HSD17B11: variants seen among roughly 807,000 people sequenced by gnomAD.
HSD17B11 encodes estradiol 17-beta-dehydrogenase 11.
In HSD17B11, 22 loss-of-function variants were observed where a neutral mutation model predicts 27.8. The ratio of observed to expected loss-of-function variants is 0.79; its 90% CI spans 0.56 to 1.13. The LOEUF (loss-of-function observed/expected upper bound fraction) is 1.13, where lower values mean the gene tolerates loss of function less well. HSD17B11 is among the 50% of genes most tolerant of loss of function. HSD17B11 has a pLI of 0.00. For synonymous variants in HSD17B11, 117 were observed against 132.8 expected (o/e 0.88, Z 0.82); for missense variants, 314 against 351.1 (o/e 0.89, Z 0.84).
chr4:87,390,476 C>T (rs1169875970), intron 1 of HSD17B11, among the ~76,000 whole-genome samples: 1 of 152,212 alleles, frequency 6.6e-6, no homozygotes, highest in African/African-American at 2.4e-5. Context: ...CCACTTTTCT[C>T]ATTAACAGTA....
intron 4 of HSD17B11, among the ~76,000 whole-genome samples, chr4:87,361,611 C>CA (rs1462233842): frequency 2.4e-4 from 37 of 151,998 alleles, no homozygotes; most frequent in Non-Finnish European, 4.7e-4. Flanking sequence ...ACTAAAAATA[C>CA]AAAAAATTAG....
intron 5 of HSD17B11, among the ~76,000 whole-genome samples, chr4:87,356,662 GCAT>G (rs768279002): frequency 2.0e-5 from 3 of 152,150 alleles, no homozygotes; most frequent in Non-Finnish European, 4.4e-5. Flanking sequence ...AAATAAGTAT[GCAT>G]CATGTTTACA....
rs1560769652 is a variant in HSD17B11 at position 87,378,946 on chromosome 4, ATTTATATATATATATT to A, written c.318+3293_318+3308del. On this transcript the variant is annotated intron_variant, in intron 2 of 6. Transcript: ENST00000358290. ...TATATATAAATATATATATATATAT[ATTTATATATATATATT>A]TTTTTTTTTTTTTGAGATGGTGTCT... Among the ~76,000 whole-genome samples, 89 of 23,382 alleles carry A rather than the reference ATTTATATATATATATT, an allele frequency of 3.8e-3. 16 individuals are homozygous for A. The highest frequency in any genetic ancestry group is 0.014 in the African/African-American group (75 of 5,408). 15.3% of individuals were successfully genotyped at this position (23,382 alleles called of 152,430 possible).
intron 6 of HSD17B11, 141 bp downstream of exon 6, chr4:87,340,349 T>C (rs1735142168): frequency 2.0e-6 from 1 of 510,952 alleles, no homozygotes; most frequent in South Asian, 3.3e-5. Flanking sequence ...CTTGCCTCAA[T>C]GTTATTGAGC....
chr4:87,367,625 G>A (rs1735633811), intron 4 of HSD17B11, among the ~76,000 whole-genome samples: 1 of 152,330 alleles, frequency 6.6e-6, no homozygotes, highest in Non-Finnish European at 1.5e-5. Flanking sequence ...GGAAACTGGA[G>A]AGAGAATATT....
At chr4:87,378,871 T>TATATATATAAATATATATATATAA (rs1305923529) in intron 2 of HSD17B11, among the ~76,000 whole-genome samples, 2 of 26,238 alleles carry the variant, frequency 7.6e-5, no homozygotes, top group Non-Finnish European at 1.2e-4. Context: ...TATATAAATA[T>TATATATATAAATATATATATATAA]ATATATATAA....
chr4:87,339,782 C>T (rs1735130147), intron 6 of HSD17B11, among the ~76,000 whole-genome samples: 2 of 152,200 alleles, frequency 1.3e-5, no homozygotes, highest in South Asian at 4.1e-4. Flanking sequence ...CACTCCAAAC[C>T]AAGTCAATCA....
chr4:87,378,518 C>T lies in HSD17B11; in HGVS notation c.319-3688G>A, dbSNP rs1719965290. Among the ~76,000 whole-genome samples, 2 of 151,592 alleles carry T rather than the reference C, an allele frequency of 1.3e-5. 1 individual carries two copies. The highest frequency in any genetic ancestry group is 1.3e-4 in the Admixed American group (2 of 15,170). On this transcript the variant is annotated intron_variant, in intron 2 of 6. Coordinates refer to ENST00000358290, the MANE Select transcript of HSD17B11 (RefSeq NM_016245.5). ...ATACTTTTAGTTATTTTAAAATGTACAATTAAATTACTATTATTAATCATT... is the reference window on the plus strand; with the variant it reads ...ATACTTTTAGTTATTTTAAAATGTATAATTAAATTACTATTATTAATCATT...
intron 2 of HSD17B11, among the ~76,000 whole-genome samples, chr4:87,380,731 G>C (rs1260658648): frequency 6.7e-6 from 1 of 150,036 alleles, no homozygotes; most frequent in African/African-American, 2.5e-5. Flanking sequence ...GGTGACGGGC[G>C]CCTGTAATCC....
chr4:87,370,803 A>C (rs2110124173), intron 4 of HSD17B11, among the ~76,000 whole-genome samples: 1 of 97,386 alleles, frequency 1.0e-5, no homozygotes, highest in South Asian at 2.7e-4. Flanking sequence ...CCCAGGCTGG[A>C]GTGTAGTGGC....
In HSD17B11 at chr4:87,357,343, C is replaced by T. The variant is rs754548702; in HGVS notation, c.631G>A (p.Val211Ile). Reference protein sequence around the residue: ...DELAALQITGVKTTCLCPNFV... With the variant: ...DELAALQITGIKTTCLCPNFV... The stretch of plus-strand genomic sequence containing the variant: ...TTAGGACACAGACATGTTGTTTTGA[C>T]TCCAGTTATTTGTAAGGCAGCCAGT... The change falls in exon 5 of 7, where the codon GTC (valine) becomes ATC (isoleucine). Residue 211 changes from valine (V) to isoleucine (I), a missense_variant. By Grantham distance (29) the Val-to-Ile change is conservative. Coordinates refer to ENST00000358290, the MANE Select transcript of HSD17B11 (RefSeq NM_016245.5). The T allele has an allele frequency of 2.5e-6, 4 of 1,613,460 alleles. No homozygotes were observed. The highest frequency in any genetic ancestry group is 1.1e-5 in the South Asian group (1 of 90,894).
chr4:87,366,566 T>G (rs922434122), intron 4 of HSD17B11, among the ~76,000 whole-genome samples: 2 of 152,186 alleles, frequency 1.3e-5, no homozygotes, highest in African/African-American at 4.8e-5. Context: ...TATAAGAAAC[T>G]CCTTTATTTC....
rs773226306 is a variant in HSD17B11 at position 87,337,377 on chromosome 4, G to T, written c.813-11C>A. 1.4e-6 allele frequency: 2 copies of T among 1,411,516 alleles called. No homozygotes were observed. Among genetic ancestry groups the T allele is most frequent in the Non-Finnish European group, 2.0e-6 (2 of 1,005,828 alleles). 87.4% of individuals were successfully genotyped at this position (1,411,516 alleles called of 1,614,324 possible). On this transcript the variant is annotated splice_polypyrimidine_tract_variant and intron_variant, in intron 6 of 6. Transcript: ENST00000358290. ...CGCTCAGGAAGGATCCTAAAAGAAA[G>T]ATATATGCAAATAATTAGAAAATTA...
At chr4:87,357,698 T>A (rs1280034871) in intron 4 of HSD17B11, among the ~76,000 whole-genome samples, 1 of 150,576 alleles carries the variant, frequency 6.6e-6, no homozygotes, top group Non-Finnish European at 1.5e-5. Context: ...ATTAGTAGAG[T>A]ATTTGTTTTT....
chr4:87,378,843 T>A (rs60205308), intron 2 of HSD17B11, among the ~76,000 whole-genome samples: 12 of 29,116 alleles, frequency 4.1e-4, no homozygotes, highest in Non-Finnish European at 7.7e-4. Context: ...TATATATATA[T>A]AAATATATAT....
intron 1 of HSD17B11, among the ~76,000 whole-genome samples, chr4:87,390,203 T>G (rs1239795390): frequency 6.6e-6 from 1 of 152,254 alleles, no homozygotes; most frequent in Non-Finnish European, 1.5e-5. Flanking sequence ...TCGCCCAGGC[T>G]GAAGTGCAGT....
At chr4:87,343,038 T>C (rs1456548383) in intron 5 of HSD17B11, among the ~76,000 whole-genome samples, 3 of 152,202 alleles carry the variant, frequency 2.0e-5, no homozygotes, top group Non-Finnish European at 2.9e-5. Flanking sequence ...TGAAAGCTTA[T>C]AGACACCTGT....
At chr4:87,383,755 TTTTTAAC>T (rs1001916377) in intron 1 of HSD17B11, among the ~76,000 whole-genome samples, 4 of 151,908 alleles carry the variant, frequency 2.6e-5, no homozygotes, top group Non-Finnish European at 5.9e-5. Flanking sequence ...CCTTTTTTTT[TTTTTAAC>T]TTTTAAGAGA....
At chr4:87,362,620 T>A (rs1735538625) in intron 4 of HSD17B11, among the ~76,000 whole-genome samples, 1 of 152,214 alleles carries the variant, frequency 6.6e-6, no homozygotes, top group Admixed American at 6.5e-5. Context: ...AAGAACAGGT[T>A]TGGCACTATG....
Sources: allele counts gnomAD v4.1 joint callset (sites outside exome capture counted in the v4.1 genomes callset), GRCh38; gene constraint gnomAD v4.1.1; transcripts MANE v1.5; gene names NCBI Gene and HGNC (gene_info 2026-07-23, HGNC 2026-07-21).